UBASH3B: variants seen among roughly 807,000 people sequenced by gnomAD.
UBASH3B encodes the protein ubiquitin associated and SH3 domain containing B, also known as ubiquitin-associated and SH3 domain-containing protein B.
In UBASH3B, 37 loss-of-function variants were observed where a neutral mutation model predicts 83.4. The ratio of observed to expected loss-of-function variants is 0.44; its 90% CI spans 0.34 to 0.58. The LOEUF is 0.58. UBASH3B is among the 20% of genes least tolerant of loss of function. The probability of loss-of-function intolerance (pLI) is 0.01; values close to 1 mark genes in which losing one functional copy is unlikely to be tolerated. For synonymous variants in UBASH3B, 304 were observed against 318.3 expected (o/e 0.96, Z 0.48); for missense variants, 657 against 827.2 (o/e 0.79, Z 2.52).
chr11:122,789,126 C>G lies in UBASH3B; in HGVS notation c.798C>G (p.Thr266=). The part of the protein sequence containing the change: ...HETLQVIYPY[T]PQNDDELELV... Reference sequence around the variant, plus strand: ...CATTACAGGTCATCTACCCCTATACCCCACAAAATGACGATGAGCTGGAGC... The same window carrying G: ...CATTACAGGTCATCTACCCCTATACGCCACAAAATGACGATGAGCTGGAGC... The change falls in exon 6 of 14, where the codon ACC becomes ACG. Residue 266 remains threonine (T), a synonymous_variant. Transcript: ENST00000284273. 1 of 1,613,538 alleles carries G rather than the reference C, an allele frequency of 6.2e-7. No homozygotes were observed. Among genetic ancestry groups the G allele is most frequent in the Non-Finnish European group, 8.5e-7 (1 of 1,179,948 alleles).
chr11:122,656,567 G>A (rs1221464590), intron 1 of UBASH3B, among the ~76,000 whole-genome samples: 1 of 152,210 alleles, frequency 6.6e-6, no homozygotes, highest in Admixed American at 6.5e-5. Context: ...AGCGCCTAGG[G>A]AGGCGGGGCC....
At chr11:122,683,169 A>G (rs1162169490) in intron 1 of UBASH3B, among the ~76,000 whole-genome samples, 1 of 148,472 alleles carries the variant, frequency 6.7e-6, no homozygotes, top group Non-Finnish European at 1.5e-5. Context: ...GGATCCCTTG[A>G]GCCTTGGAAG....
At chr11:122,803,057 G>C (rs1163118210) in intron 11 of UBASH3B, among the ~76,000 whole-genome samples, 1 of 152,214 alleles carries the variant, frequency 6.6e-6, no homozygotes, top group African/African-American at 2.4e-5. Context: ...CCCACCAGCA[G>C]TGTGAGCAGA....
intron 5 of UBASH3B, among the ~76,000 whole-genome samples, chr11:122,787,530 G>A (rs751495917): frequency 5.3e-5 from 8 of 152,154 alleles, no homozygotes; most frequent in Non-Finnish European, 8.8e-5. Flanking sequence ...TTTCTTTAGC[G>A]ATTTCCAGAA....
At chr11:122,794,460 G>C (rs939572944) in intron 6 of UBASH3B, among the ~76,000 whole-genome samples, 4 of 152,136 alleles carry the variant, frequency 2.6e-5, no homozygotes, top group Non-Finnish European at 4.4e-5. Flanking sequence ...GCCTGCCTCG[G>C]CGTCCCAAAG....
chr11:122,664,807 C>G (rs1863492105), intron 1 of UBASH3B, among the ~76,000 whole-genome samples: 1 of 152,242 alleles, frequency 6.6e-6, no homozygotes, highest in Non-Finnish European at 1.5e-5. Flanking sequence ...CTGTGCAGTT[C>G]TCCGGAGGAA....
intron 1 of UBASH3B, among the ~76,000 whole-genome samples, chr11:122,755,919 T>C (rs892280402): frequency 2.0e-5 from 3 of 152,342 alleles, no homozygotes; most frequent in Non-Finnish European, 1.5e-5. Context: ...TTAGAGCTAA[T>C]TACAGGAGTC....
chr11:122,684,684 A>G (rs1284443736), intron 1 of UBASH3B, among the ~76,000 whole-genome samples: 2 of 151,988 alleles, frequency 1.3e-5, no homozygotes, highest in African/African-American at 2.4e-5. Flanking sequence ...TGCAACCTCT[A>G]CCTCCTGGGT....
chr11:122,760,854 T>C (rs1442442742), intron 1 of UBASH3B, among the ~76,000 whole-genome samples: 1 of 152,210 alleles, frequency 6.6e-6, no homozygotes, highest in African/African-American at 2.4e-5. Context: ...GGCAGCAGTG[T>C]AAACTGGAAA....
chr11:122,789,323 A>C lies in UBASH3B; in HGVS notation c.980+15A>C, dbSNP rs1403740256. The C allele has an allele frequency of 3.1e-6, 5 of 1,613,782 alleles. No individual in the cohort carries two copies. Among genetic ancestry groups the C allele is most frequent in the Non-Finnish European group, 4.2e-6 (5 of 1,179,800 alleles). ...ATATTTCATGGGTAAGCAGACACAA[A>C]GACCTTTATGCCATTTGAAGAATGT... is the stretch of plus-strand genomic sequence containing the variant. On this transcript the variant is annotated intron_variant, in intron 6 of 13. Transcript: ENST00000284273.
At chr11:122,664,080 GC>G (rs1863482541) in intron 1 of UBASH3B, among the ~76,000 whole-genome samples, 1 of 152,152 alleles carries the variant, frequency 6.6e-6, no homozygotes, top group African/African-American at 2.4e-5. Context: ...TCCTCACTGA[GC>G]TTTGGGTATA....
chr11:122,753,456 A>C (rs1262079739), intron 1 of UBASH3B, among the ~76,000 whole-genome samples: 4 of 151,456 alleles, frequency 2.6e-5, no homozygotes, highest in Admixed American at 1.3e-4. Context: ...ACCTCAAAAA[A>C]AGAAAAGAAA....
chr11:122,675,031 C>A (rs1325639901), intron 1 of UBASH3B, among the ~76,000 whole-genome samples: 1 of 152,120 alleles, frequency 6.6e-6, no homozygotes, highest in Non-Finnish European at 1.5e-5. Context: ...GCCTGGCCTG[C>A]AGTTAGTATT....
In UBASH3B at chr11:122,796,261, T is replaced by A. The variant is rs759763788; in HGVS notation, c.1219T>A (p.Cys407Ser). The A allele has an allele frequency of 6.8e-6, 11 of 1,614,140 alleles. No homozygotes were observed. In the Admixed American group the frequency reaches 1.8e-4, roughly 27 times the overall value. Residue 407 changes from cysteine (C) to serine (S), a missense_variant, in exon 8 of 14, where the codon TGC becomes AGC. Cys to Ser is a moderately radical substitution (Grantham distance 112, BLOSUM62 -1). Around this residue, in one of 3 missense-constraint regions of UBASH3B, gnomAD observed 573 missense variants for 739.0 expected, o/e 0.78. Coordinates refer to ENST00000284273, the MANE Select transcript of UBASH3B (RefSeq NM_032873.5). Reference protein sequence around the residue: ...VVFGKYWLSQCFDAKGRYIRT... With the variant: ...VVFGKYWLSQSFDAKGRYIRT... ...GTTTGGGAAGTACTGGCTGTCCCAG[T>A]GCTTCGATGCCAAAGGTGAGTTGGT... is the stretch of plus-strand genomic sequence containing the variant.
At chr11:122,796,642 C>A (rs1010516321) in intron 8 of UBASH3B, among the ~76,000 whole-genome samples, 2 of 152,118 alleles carry the variant, frequency 1.3e-5, no homozygotes, top group African/African-American at 4.8e-5. Flanking sequence ...GCTTGCTTAA[C>A]CAGGGAATCT....
At chr11:122,762,980 A>G (rs911162619) in intron 1 of UBASH3B, among the ~76,000 whole-genome samples, 1 of 152,204 alleles carries the variant, frequency 6.6e-6, no homozygotes, top group Non-Finnish European at 1.5e-5. Flanking sequence ...CTTCAAATAC[A>G]TTATGTGATA....
chr11:122,690,208 A>ATATATATATC (rs1565530326), intron 1 of UBASH3B, among the ~76,000 whole-genome samples: 4 of 27,224 alleles, frequency 1.5e-4, no homozygotes, highest in Non-Finnish European at 7.3e-5. Context: ...ATATATATAT[A>ATATATATATC]TCCAATTATA....
chr11:122,719,200 C>T (rs10219151), intron 1 of UBASH3B, among the ~76,000 whole-genome samples: 6,866 of 152,182 alleles, frequency 0.045, 522 homozygotes, highest in African/African-American at 0.16. Context: ...TAAGACCACG[C>T]GGCTAATAAT....
intron 1 of UBASH3B, among the ~76,000 whole-genome samples, chr11:122,704,470 G>A (rs1375725736): frequency 6.6e-6 from 1 of 152,048 alleles, no homozygotes; most frequent in Admixed American, 6.6e-5. Flanking sequence ...GCGTGTTAGA[G>A]AGGCCACTTT....
Sources: gnomAD v4.1 joint callset for allele counts (sites outside exome capture counted in the v4.1 genomes callset) on GRCh38, gnomAD v4.1.1 for gene constraint, gnomAD v4.1.1 regional missense constraint, MANE v1.5 for transcripts, NCBI Gene and HGNC (gene_info 2026-07-23, HGNC 2026-07-21) for gene names.